Variants in RBPMS2 observed in about 807,000 individuals in gnomAD.
The protein encoded by RBPMS2 is RNA binding protein, mRNA processing factor 2, also known as RNA-binding protein with multiple splicing 2.
RBPMS2 carries 14 observed loss-of-function variants against 25.7 expected under a neutral mutation model. The ratio of observed to expected loss-of-function variants is 0.55; its 90% CI spans 0.36 to 0.85. The LOEUF (loss-of-function observed/expected upper bound fraction) is 0.85, where lower values mean the gene tolerates loss of function less well. RBPMS2 is among the 40% of genes least tolerant of loss of function. The probability of loss-of-function intolerance (pLI) is 0.01; values close to 1 mark genes in which losing one functional copy is unlikely to be tolerated. For missense variants in RBPMS2, 252 were observed against 283.4 expected, an observed-to-expected ratio of 0.89 and a Z score of 0.80; for synonymous variants, 127 against 115.6, an observed-to-expected ratio of 1.10 and a Z score of -0.63.
intron 1 of RBPMS2, among the ~76,000 whole-genome samples, chr15:64,759,586 T>C (rs1022701646): frequency 1.3e-5 from 2 of 152,170 alleles, no homozygotes; most frequent in African/African-American, 2.4e-5. Flanking sequence ...TAAACAACCC[T>C]TCAGGAGCAA....
intron 1 of RBPMS2, among the ~76,000 whole-genome samples, chr15:64,767,092 CTTTT>C (rs925158693): frequency 2.0e-5 from 3 of 151,468 alleles, no homozygotes; most frequent in East Asian, 1.9e-4. Context: ...CGGTTTTTTA[CTTTT>C]TTTTTCTCTC....
At chr15:64,754,057 C>T (rs1311975995) in intron 1 of RBPMS2, among the ~76,000 whole-genome samples, 5 of 152,128 alleles carry the variant, frequency 3.3e-5, no homozygotes, top group Admixed American at 1.3e-4. Context: ...ATGCCTGTAA[C>T]CCCAGCACTT....
chr15:64,763,111 T>C (rs2083807484), intron 1 of RBPMS2, among the ~76,000 whole-genome samples: 1 of 152,070 alleles, frequency 6.6e-6, no homozygotes. Context: ...GGCCCCGCGC[T>C]TAGGCTTGGC....
chr15:64,746,676 C>G (rs913353584), intron 6 of RBPMS2, among the ~76,000 whole-genome samples: 13 of 152,218 alleles, frequency 8.5e-5, no homozygotes, highest in Admixed American at 8.5e-4. Context: ...CCCCACCTGG[C>G]TGGGCAGAGG....
chr15:64,760,575 C>T (rs1178978923), intron 1 of RBPMS2, among the ~76,000 whole-genome samples: 2 of 151,948 alleles, frequency 1.3e-5, no homozygotes, highest in South Asian at 2.1e-4. Flanking sequence ...GATCCTTCTC[C>T]GGATCACCTG....
chr15:64,750,495 C>G (rs1385888196), intron 2 of RBPMS2, 114 bp from the exon 3 acceptor site: 1 of 910,956 alleles, frequency 1.1e-6, no homozygotes, highest in African/African-American at 1.6e-5. Flanking sequence ...CACCCTTCTC[C>G]CTGTCAACAT....
intron 1 of RBPMS2, among the ~76,000 whole-genome samples, chr15:64,774,835 C>A (rs1324345968): frequency 2.0e-5 from 3 of 151,492 alleles, no homozygotes; most frequent in African/African-American, 7.3e-5. Flanking sequence ...CGCTCCGCTC[C>A]GTGCCGCCGA....
chr15:64,775,215 C>A lies in RBPMS2; in HGVS notation c.87+18G>T. 8.1e-7 allele frequency: 1 copy of A among 1,238,794 alleles called. No homozygotes were observed. Among genetic ancestry groups the A allele is most frequent in the South Asian group, 2.9e-5 (1 of 34,562 alleles). The allele number at this position is 1,238,794 out of a possible 1,614,324, so 76.7% of individuals were successfully genotyped here. A position where few individuals can be genotyped will look rare whatever the true frequency, so the allele number is the denominator to read the frequency against. The stretch of plus-strand genomic sequence containing the variant: ...TGGCGTGCGCTTCACCCGGCAAGTC[C>A]CGGGGCCACAGACCCACCTCCTCCT... On this transcript the variant is annotated intron_variant, in intron 1 of 7. Coordinates refer to ENST00000300069, the MANE Select transcript of RBPMS2 (RefSeq NM_194272.3).
chr15:64,775,128 G>T, intron 1 of RBPMS2, 105 bp downstream of exon 1: 1 of 544,648 alleles, frequency 1.8e-6, no homozygotes, highest in Non-Finnish European at 2.6e-6. Context: ...GGCGCCGGGA[G>T]CGATGGCCAC....
At chr15:64,770,929 C>T (rs748798294) in intron 1 of RBPMS2, among the ~76,000 whole-genome samples, 1 of 152,262 alleles carries the variant, frequency 6.6e-6, no homozygotes, top group African/African-American at 2.4e-5. Flanking sequence ...TCTAGGATAC[C>T]AGGCCTGCAA....
chr15:64,754,014 C>G (rs1257255822), intron 1 of RBPMS2, among the ~76,000 whole-genome samples: 1 of 152,150 alleles, frequency 6.6e-6, no homozygotes, highest in Non-Finnish European at 1.5e-5. Flanking sequence ...ACCTGGAACT[C>G]AAAACCCAGG....
rs2083548979 is a variant in RBPMS2 at position 64,740,405 on chromosome 15, G to C, written c.*603C>G. 6.6e-6 allele frequency: 1 copy of C among 152,074 alleles called. No homozygotes were observed. Among genetic ancestry groups the C allele is most frequent in the African/African-American group, 2.4e-5 (1 of 41,344 alleles). The allele number at this position is 152,074 out of a possible 1,614,324, so 9.4% of individuals were successfully genotyped here. On this transcript the variant is annotated 3_prime_UTR_variant, in exon 8 of 8. Transcript: ENST00000300069. ...CCCATCCGAGAAGGCAGGAGCGGAG[G>C]AGCCCCATGTGAAATGAAAAAGCAA...
chr15:64,751,893 C>A lies in RBPMS2; in HGVS notation c.88-255G>T, dbSNP rs180704408. On this transcript the variant is annotated intron_variant, in intron 1 of 7. Coordinates refer to ENST00000300069, the MANE Select transcript of RBPMS2 (RefSeq NM_194272.3). ...GGATGCCTCTGCACACAGACTGAGT[C>A]TGCTGGTGAACAGAGGCAAAAAGAA... Among the ~76,000 whole-genome samples, 8 of 152,164 alleles carry A rather than the reference C, an allele frequency of 5.3e-5. No homozygotes were observed. In the East Asian group the frequency reaches 1.5e-3, roughly 29 times the overall value.
chr15:64,766,870 G>A (rs975898168), intron 1 of RBPMS2, among the ~76,000 whole-genome samples: 3 of 151,834 alleles, frequency 2.0e-5, no homozygotes, highest in East Asian at 1.9e-4. Context: ...AGTGGCCTCC[G>A]CCTCCCAAGT....
At chr15:64,742,923 GT>G (rs2083576658) in intron 6 of RBPMS2, among the ~76,000 whole-genome samples, 2 of 152,358 alleles carry the variant, frequency 1.3e-5, no homozygotes, top group African/African-American at 4.8e-5. Context: ...TCTAGGTGCT[GT>G]TTTGTACACT....
chr15:64,744,814 T>G (rs1424125198), intron 6 of RBPMS2, among the ~76,000 whole-genome samples: 52 of 112,748 alleles, frequency 4.6e-4, no homozygotes, highest in East Asian at 2.1e-3. Flanking sequence ...TTTTTTTTTT[T>G]TTTTTTTTTT....
At chr15:64,748,958 A>G in intron 5 of RBPMS2, 42 bp downstream of exon 5, 1 of 1,609,032 alleles carries the variant, frequency 6.2e-7, no homozygotes, top group Admixed American at 1.7e-5. Context: ...TCTGCCCTGA[A>G]TGCAACTCCA....
At chr15:64,771,814 C>T (rs562386456) in intron 1 of RBPMS2, among the ~76,000 whole-genome samples, 4 of 152,108 alleles carry the variant, frequency 2.6e-5, no homozygotes, top group South Asian at 2.1e-4. Context: ...CAAAAATTAG[C>T]CAGGTATGGT....
At position 64,750,391 on chromosome 15, in the gene RBPMS2, G is replaced by A. The variant is rs1344622928; in HGVS notation, c.166-10C>T. On this transcript the variant is annotated splice_polypyrimidine_tract_variant and intron_variant, in intron 2 of 7. Coordinates refer to ENST00000300069, the MANE Select transcript of RBPMS2 (RefSeq NM_194272.3). Reference sequence around the variant, plus strand: ...GGGACCCTTCATACCCCTGCGGAGAGAGGTGGCTGTTACCGTGGAAGGTCA... The same window carrying A: ...GGGACCCTTCATACCCCTGCGGAGAAAGGTGGCTGTTACCGTGGAAGGTCA... The A allele has an allele frequency of 2.5e-6, 4 of 1,613,334 alleles. No homozygotes were observed. In the Admixed American group the frequency reaches 6.7e-5, roughly 27 times the overall value.
Sources: allele counts gnomAD v4.1 joint callset (sites outside exome capture counted in the v4.1 genomes callset), GRCh38; gene constraint gnomAD v4.1.1; transcripts MANE v1.5; gene names NCBI Gene and HGNC (gene_info 2026-07-23, HGNC 2026-07-21).